The following SOBP variants were observed in gnomAD, a reference collection of about 807,000 sequenced individuals.
SOBP encodes the protein sine oculis-binding protein homolog.
SOBP carries 4 observed loss-of-function variants against 53.6 expected under a neutral mutation model. That is an observed-to-expected ratio of 0.07 (90% CI 0.04 to 0.17). The LOEUF (loss-of-function observed/expected upper bound fraction) is 0.17. Ranked by LOEUF, SOBP falls within the 10% of genes least tolerant of loss-of-function variation. SOBP has a pLI of 1.00. For missense variants in SOBP, 1,088 were observed against 1,204.7 expected (o/e 0.90, Z 1.43); for synonymous variants, 584 against 522.6 (o/e 1.12, Z -1.60).
At chr6:107,542,326 A>G (rs1244184758) in intron 4 of SOBP, among the ~76,000 whole-genome samples, 1 of 152,170 alleles carries the variant, frequency 6.6e-6, no homozygotes, top group Non-Finnish European at 1.5e-5. Context: ...GGAGTAAGTG[A>G]GAAACAGAGG....
chr6:107,631,338 T>A (rs970029130), intron 5 of SOBP, among the ~76,000 whole-genome samples: 1 of 152,204 alleles, frequency 6.6e-6, no homozygotes, highest in Non-Finnish European at 1.5e-5. Context: ...AGCTTGTAAA[T>A]TTGCACTGCA....
At chr6:107,654,070 G>A (rs1394437645) in intron 6 of SOBP, among the ~76,000 whole-genome samples, 1 of 152,190 alleles carries the variant, frequency 6.6e-6, no homozygotes, top group African/African-American at 2.4e-5. Flanking sequence ...GGTGAACAGA[G>A]AGTCTCTCAA....
Position 107,635,059 on chromosome 6 carries a change from G to A in SOBP, c.2215G>A (p.Glu739Lys), listed in dbSNP as rs1269315162. The A allele has an allele frequency of 1.3e-6, 2 of 1,529,376 alleles. No individual in the cohort carries two copies. Among genetic ancestry groups the A allele is most frequent in the Non-Finnish European group, 1.8e-6 (2 of 1,138,026 alleles). 94.7% of individuals were successfully genotyped at this position (1,529,376 alleles called of 1,614,324 possible). A position where few individuals can be genotyped will look rare whatever the true frequency, so the allele number is the denominator to read the frequency against. Residue 739 changes from glutamate to lysine, a missense_variant, in exon 6 of 7, where the codon GAG becomes AAG. By Grantham distance (56) the Glu-to-Lys change is moderately conservative. Coordinates refer to ENST00000317357, the MANE Select transcript of SOBP (RefSeq NM_018013.4). The surrounding 1 kb of genome is among the most constrained non-coding windows in gnomAD (Gnocchi z 4.5). ...CGCCGCCGAGGGCGCTAAGAGCGCG[G>A]AGCCGCCTCCCGAGCAGCCGCCGCC... is the stretch of plus-strand genomic sequence containing the variant. Reference protein sequence around the residue: ...GAAAEGAKSAEPPPEQPPPPP... With the variant: ...GAAAEGAKSAKPPPEQPPPPP...
chr6:107,498,381 A>G (rs983404766), intron 1 of SOBP, among the ~76,000 whole-genome samples: 3 of 152,218 alleles, frequency 2.0e-5, no homozygotes, highest in African/African-American at 7.2e-5. Context: ...AAAAATCAGT[A>G]TCTGTGTTTT....
chr6:107,640,556 A>G (rs1296966628), intron 6 of SOBP, among the ~76,000 whole-genome samples: 1 of 152,294 alleles, frequency 6.6e-6, no homozygotes, highest in African/African-American at 2.4e-5. Flanking sequence ...GCTTCCTGTG[A>G]TCATTTCAGA....
intron 4 of SOBP, among the ~76,000 whole-genome samples, chr6:107,544,584 C>G (rs12190009): frequency 0.019 from 2,851 of 152,218 alleles, 45 homozygotes; most frequent in East Asian, 0.054. Context: ...GGCTAGCACT[C>G]AAATCTGAAG....
At chr6:107,593,252 A>T (rs1425614938) in intron 5 of SOBP, among the ~76,000 whole-genome samples, 1 of 152,218 alleles carries the variant, frequency 6.6e-6, no homozygotes, top group Admixed American at 6.5e-5. Flanking sequence ...GAGAAAAGCC[A>T]CATGAGGGAG....
At chr6:107,550,472 G>A (rs902954501) in intron 4 of SOBP, among the ~76,000 whole-genome samples, 1 of 152,200 alleles carries the variant, frequency 6.6e-6, no homozygotes, top group African/African-American at 2.4e-5. Flanking sequence ...AGTATGAAGG[G>A]CATTGTTCTG....
At chr6:107,496,038 CAT>C (rs1782691321) in intron 1 of SOBP, among the ~76,000 whole-genome samples, 1 of 151,708 alleles carries the variant, frequency 6.6e-6, no homozygotes, top group South Asian at 2.1e-4. Context: ...CCAATTGAAA[CAT>C]GTAAACAGAC....
Position 107,490,254 on chromosome 6 carries a change from CCGGCGG to C in SOBP, c.-350_-345del, listed in dbSNP as rs761084632. ...CTCCACGGGGCCCCGAGGATGCGGC[CCGGCGG>C]CGGCGGCGGCGGGAGCGGCAGCGGC... is the stretch of plus-strand genomic sequence containing the variant. On this transcript the variant is annotated 5_prime_UTR_variant, in exon 1 of 7. Coordinates refer to ENST00000317357, the MANE Select transcript of SOBP (RefSeq NM_018013.4). The C allele has an allele frequency of 2.0e-5, 3 of 148,420 alleles. No homozygotes were observed. Among genetic ancestry groups the C allele is most frequent in the Admixed American group, 6.8e-5 (1 of 14,810 alleles). The allele number at this position is 148,420 out of a possible 1,614,324, so 9.2% of individuals were successfully genotyped here. A position where few individuals can be genotyped will look rare whatever the true frequency, so the allele number is the denominator to read the frequency against.
intron 4 of SOBP, among the ~76,000 whole-genome samples, chr6:107,563,902 G>T (rs1784842835): frequency 6.6e-6 from 1 of 152,122 alleles, no homozygotes; most frequent in South Asian, 2.1e-4. Context: ...AGCTGGCCGT[G>T]GCAGCCCTTG....
At chr6:107,555,371 A>G (rs1187539194) in intron 4 of SOBP, among the ~76,000 whole-genome samples, 1 of 152,168 alleles carries the variant, frequency 6.6e-6, no homozygotes, top group Non-Finnish European at 1.5e-5. Context: ...TTTATTGCAG[A>G]TACTCTTCTC....
intron 5 of SOBP, among the ~76,000 whole-genome samples, chr6:107,624,061 T>C (rs1583284064): frequency 6.6e-6 from 1 of 152,216 alleles, no homozygotes; most frequent in African/African-American, 2.4e-5. Context: ...AATAAATGTT[T>C]GTTTTTAAAA....
chr6:107,629,486 C>T (rs1429212267), intron 5 of SOBP, among the ~76,000 whole-genome samples: 5 of 152,136 alleles, frequency 3.3e-5, no homozygotes, highest in African/African-American at 1.2e-4. Flanking sequence ...TATATCGTGC[C>T]CATGTGGGTA....
intron 5 of SOBP, among the ~76,000 whole-genome samples, chr6:107,600,873 T>C (rs1786153886): frequency 6.6e-6 from 1 of 152,222 alleles, no homozygotes; most frequent in Admixed American, 6.5e-5. Flanking sequence ...TGGATGGGCA[T>C]GAAATGAACT....
chr6:107,612,578 T>C (rs866946340), intron 5 of SOBP, among the ~76,000 whole-genome samples: 1 of 152,128 alleles, frequency 6.6e-6, no homozygotes, highest in African/African-American at 2.4e-5. Flanking sequence ...CAGGAATCTG[T>C]GGGCTAATTT....
At chr6:107,630,526 G>A (rs1453219074) in intron 5 of SOBP, among the ~76,000 whole-genome samples, 1 of 152,120 alleles carries the variant, frequency 6.6e-6, no homozygotes, top group East Asian at 1.9e-4. Flanking sequence ...ATAGTACCGT[G>A]TTTTATTGCC....
At chr6:107,607,947 A>C (rs1461101202) in intron 5 of SOBP, among the ~76,000 whole-genome samples, 1 of 152,126 alleles carries the variant, frequency 6.6e-6, no homozygotes, top group East Asian at 1.9e-4. Context: ...ATGTGCTGTG[A>C]TTTGAGGGGC....
At chr6:107,588,344 A>G (rs1196642420) in intron 5 of SOBP, among the ~76,000 whole-genome samples, 1 of 152,202 alleles carries the variant, frequency 6.6e-6, no homozygotes, top group Non-Finnish European at 1.5e-5. Context: ...CACAGTTACA[A>G]TTACACTACT....
Sources: gnomAD v4.1 joint callset for allele counts (sites outside exome capture counted in the v4.1 genomes callset) on GRCh38, gnomAD v4.1.1 for gene constraint, Gnocchi (gnomAD v3.1) non-coding constraint, MANE v1.5 for transcripts, NCBI Gene and HGNC (gene_info 2026-07-23, HGNC 2026-07-21) for gene names.